Variants in PDZRN3 observed in about 807,000 individuals in gnomAD.
PDZRN3 encodes the protein PDZ domain containing ring finger 3, also known as E3 ubiquitin-protein ligase PDZRN3.
In PDZRN3, 38 loss-of-function variants were observed where a neutral mutation model predicts 85.7. The ratio of observed to expected loss-of-function variants is 0.44; its 90% CI spans 0.34 to 0.58. PDZRN3 has a LOEUF of 0.58. Among genes scored for constraint, PDZRN3 ranks in the 20% least tolerant of loss-of-function variants. The probability of loss-of-function intolerance (pLI) is 0.01; values close to 1 mark genes in which losing one functional copy is unlikely to be tolerated. For missense variants in PDZRN3, 1,629 were observed against 1,506.4 expected (o/e 1.08, Z -1.35); for synonymous variants, 759 against 638.0 (o/e 1.19, Z -2.86).
chr3:73,433,803 C>A, intron 3 of PDZRN3: 1 of 1,499,646 alleles, frequency 6.7e-7, no homozygotes. Context: ...CCTTGGAGAG[C>A]CTCAGGTGAG....
At chr3:73,534,893 T>C (rs898593444) in intron 3 of PDZRN3, among the ~76,000 whole-genome samples, 1 of 152,202 alleles carries the variant, frequency 6.6e-6, no homozygotes, top group Non-Finnish European at 1.5e-5. Flanking sequence ...AAGTCACTCT[T>C]GTGTCTTGTT....
chr3:73,397,005 T>G lies in PDZRN3; in HGVS notation c.1254+3917A>C, dbSNP rs148229685. 2.6e-4 allele frequency among the ~76,000 whole-genome samples: 39 copies of G among 152,056 alleles called. 1 individual carries two copies. The East Asian group carries it at 7.4e-3, about 29-fold the overall frequency. On this transcript the variant is annotated intron_variant, in intron 5 of 9. Coordinates refer to ENST00000263666, the MANE Select transcript of PDZRN3 (RefSeq NM_015009.3). ...TGTGTACTTTAAAAGGGAGAACATC[T>G]GTTTTTCTTTTATTTCTTTCTTCTT...
chr3:73,427,587 G>A (rs1372404857), intron 3 of PDZRN3, among the ~76,000 whole-genome samples: 2 of 152,150 alleles, frequency 1.3e-5, no homozygotes, highest in African/African-American at 4.8e-5. Context: ...CAGAGAGAGG[G>A]GCTGTCTTCT....
intron 8 of PDZRN3, among the ~76,000 whole-genome samples, chr3:73,387,515 T>C (rs1701420899): frequency 6.6e-6 from 1 of 152,262 alleles, no homozygotes; most frequent in South Asian, 2.1e-4. Flanking sequence ...ACGGAGGGCC[T>C]AGCACTTATT....
intron 3 of PDZRN3, among the ~76,000 whole-genome samples, chr3:73,557,990 T>C (rs558970496): frequency 6.6e-6 from 1 of 152,170 alleles, no homozygotes; most frequent in Non-Finnish European, 1.5e-5. Flanking sequence ...GTATAGAATT[T>C]CACTTTGTCA....
At chr3:73,387,700 C>T (rs1450134746) in intron 8 of PDZRN3, among the ~76,000 whole-genome samples, 2 of 152,108 alleles carry the variant, frequency 1.3e-5, no homozygotes, top group Non-Finnish European at 2.9e-5. Context: ...TTGTGTTTTC[C>T]ATTCAATTCT....
chr3:73,433,837 T>C (rs893038567), intron 3 of PDZRN3: 59 of 1,456,284 alleles, frequency 4.1e-5, no homozygotes, highest in Admixed American at 7.7e-5. Context: ...ACGCTTCACA[T>C]TGGCGCTGCT....
chr3:73,621,000 G>T (rs145576319), intron 1 of PDZRN3, among the ~76,000 whole-genome samples: 1 of 152,248 alleles, frequency 6.6e-6, no homozygotes, highest in South Asian at 2.1e-4. Flanking sequence ...CTACCTGAGC[G>T]TAAGCTCTTC....
intron 3 of PDZRN3, among the ~76,000 whole-genome samples, chr3:73,445,710 C>T (rs1042976363): frequency 7.9e-5 from 12 of 152,112 alleles, no homozygotes; most frequent in African/African-American, 1.7e-4. Flanking sequence ...ACTTGAGAGC[C>T]GGGTAAGAAC....
chr3:73,588,993 C>A (rs145529223), intron 3 of PDZRN3, among the ~76,000 whole-genome samples: 1 of 152,162 alleles, frequency 6.6e-6, no homozygotes, highest in Non-Finnish European at 1.5e-5. Context: ...GAAGGACTGA[C>A]TTCCTCTCTT....
chr3:73,444,658 G>A (rs773090239), intron 3 of PDZRN3, among the ~76,000 whole-genome samples: 2 of 152,306 alleles, frequency 1.3e-5, no homozygotes, highest in Non-Finnish European at 2.9e-5. Flanking sequence ...AACCATAAAG[G>A]GGGAGAGAAG....
chr3:73,483,755 T>C (rs1703611600), intron 3 of PDZRN3, among the ~76,000 whole-genome samples: 1 of 152,138 alleles, frequency 6.6e-6, no homozygotes, highest in Admixed American at 6.5e-5. Context: ...TGCAAAGGCG[T>C]GGCAGCAGAA....
intron 3 of PDZRN3, among the ~76,000 whole-genome samples, chr3:73,541,852 C>T (rs1446964771): frequency 6.6e-6 from 1 of 152,098 alleles, no homozygotes; most frequent in Admixed American, 6.5e-5. Context: ...ATTTTATTTC[C>T]ACTTTCCAAT....
chr3:73,388,091 TG>T, intron 7 of PDZRN3, 22 bp from the exon 8 acceptor site: 1 of 754,134 alleles, frequency 1.3e-6, no homozygotes, highest in Non-Finnish European at 2.2e-6. Flanking sequence ...AAAGGGGGGG[TG>T]GGGAGAGTGG....
At chr3:73,519,665 C>T (rs111677655) in intron 3 of PDZRN3, among the ~76,000 whole-genome samples, 5,564 of 152,248 alleles carry the variant, frequency 0.037, 139 homozygotes, top group Middle Eastern at 0.072. Flanking sequence ...AGTAAAGAGT[C>T]GTAACAGAAA....
intron 3 of PDZRN3, among the ~76,000 whole-genome samples, chr3:73,545,373 T>C (rs62247802): frequency 0.15 from 23,536 of 152,232 alleles, 1,888 homozygotes; most frequent in East Asian, 0.26. Flanking sequence ...TGAAAAATCC[T>C]GGTAGCTACT....
In PDZRN3 at chr3:73,404,234, G is replaced by A. The variant is rs370653708; in HGVS notation, c.1080C>T (p.Thr360=). The A allele has an allele frequency of 7.4e-6, 12 of 1,613,976 alleles. No individual in the cohort carries two copies. The highest frequency in any genetic ancestry group is 6.6e-5 in the South Asian group (6 of 91,074). The change falls in exon 4 of 10, where the codon ACC becomes ACT. Residue 360 remains threonine (T), a synonymous_variant. Coordinates refer to ENST00000263666, the MANE Select transcript of PDZRN3 (RefSeq NM_015009.3). ...CCATGATATGTTCAAAGGTGATGTC[G>A]GTTTGGGTTCCCGTGTCCACCAGCT... ...ESQLVDTGTQ[T]DITFEHIMAL...
chr3:73,400,880 T>G, intron 5 of PDZRN3, 42 bp downstream of exon 5: 2 of 1,372,308 alleles, frequency 1.5e-6, no homozygotes, highest in Non-Finnish European at 2.1e-6. Flanking sequence ...TTCTGTGTTC[T>G]TAATAATGAC....
intron 3 of PDZRN3, among the ~76,000 whole-genome samples, chr3:73,547,882 G>C (rs1701462271): frequency 6.6e-6 from 1 of 152,196 alleles, no homozygotes; most frequent in Non-Finnish European, 1.5e-5. Flanking sequence ...AATGAAGCGG[G>C]GGAGGGTTAA....
Sources: allele counts gnomAD v4.1 joint callset (sites outside exome capture counted in the v4.1 genomes callset), GRCh38; gene constraint gnomAD v4.1.1; transcripts MANE v1.5; gene names NCBI Gene and HGNC (gene_info 2026-07-23, HGNC 2026-07-21).